DLGAP1: variants seen among roughly 807,000 people sequenced by gnomAD.
The protein encoded by DLGAP1 is DLG associated protein 1, also known as disks large-associated protein 1.
In DLGAP1, 11 loss-of-function variants were observed where a neutral mutation model predicts 90.8. The observed-to-expected ratio is 0.12, with a 90% confidence interval of 0.08 to 0.20. The LOEUF (loss-of-function observed/expected upper bound fraction) is 0.20. DLGAP1 is among the 10% of genes least tolerant of loss of function. The probability of loss-of-function intolerance (pLI) is 1.00; values close to 1 mark genes in which losing one functional copy is unlikely to be tolerated. For missense variants in DLGAP1, 1,050 were observed against 1,333.8 expected (o/e 0.79, Z 3.31); for synonymous variants, 558 against 540.7 (o/e 1.03, Z -0.44).
At chr18:3,903,845 T>C (rs1377586360) in intron 3 of DLGAP1, among the ~76,000 whole-genome samples, 1 of 152,144 alleles carries the variant, frequency 6.6e-6, no homozygotes, top group South Asian at 2.1e-4. Context: ...ATTGGAAAAA[T>C]AGCAATATTG....
intron 2 of DLGAP1, among the ~76,000 whole-genome samples, chr18:4,063,480 G>C (rs976017126): frequency 1.1e-4 from 16 of 152,020 alleles, no homozygotes; most frequent in African/African-American, 3.9e-4. Flanking sequence ...GACATATTTT[G>C]AAACAGCTAT....
At chr18:3,628,024 G>A (rs28445330) in intron 7 of DLGAP1, among the ~76,000 whole-genome samples, 2,371 of 150,918 alleles carry the variant, frequency 0.016, 64 homozygotes, top group African/African-American at 0.055. Flanking sequence ...GATTACAGGC[G>A]CGCACCACAC....
At chr18:3,736,733 A>G (rs972662141) in intron 6 of DLGAP1, among the ~76,000 whole-genome samples, 3 of 152,190 alleles carry the variant, frequency 2.0e-5, no homozygotes, top group East Asian at 1.9e-4. Context: ...CTGTGTTACC[A>G]TTCAAAAGCT....
chr18:3,609,883 C>T (rs1475038343), intron 7 of DLGAP1, among the ~76,000 whole-genome samples: 4 of 150,856 alleles, frequency 2.7e-5, no homozygotes, highest in African/African-American at 7.3e-5. Context: ...CACGGTGAAA[C>T]CCTGTCTCTA....
At chr18:4,118,467 T>G (rs936849716) in intron 2 of DLGAP1, among the ~76,000 whole-genome samples, 1 of 152,200 alleles carries the variant, frequency 6.6e-6, no homozygotes, top group South Asian at 2.1e-4. Flanking sequence ...GGCCTCACTA[T>G]TCTCTCCTAG....
At chr18:4,438,431 CAAAAAAAAA>C (rs11389361) in intron 1 of DLGAP1, among the ~76,000 whole-genome samples, 1 of 52,108 alleles carries the variant, frequency 1.9e-5, no homozygotes, top group Non-Finnish European at 3.1e-5. Flanking sequence ...GACTCCATCT[CAAAAAAAAA>C]AAAAAAAAAA....
intron 1 of DLGAP1, among the ~76,000 whole-genome samples, chr18:4,216,908 T>C (rs1283632520): frequency 2.0e-5 from 3 of 152,086 alleles, no homozygotes; most frequent in Non-Finnish European, 4.4e-5. Flanking sequence ...ATAATTTACA[T>C]GAGGATTCAC....
At chr18:4,229,164 T>C (rs957651313) in intron 1 of DLGAP1, among the ~76,000 whole-genome samples, 5 of 151,998 alleles carry the variant, frequency 3.3e-5, no homozygotes, top group South Asian at 2.1e-4. Context: ...CTATGAAACA[T>C]TGATGAAAGA....
In DLGAP1 at chr18:3,527,410, C is replaced by CTGTTTTTTTTTTTT. The variant is rs1555668846; in HGVS notation, c.2479+6783_2479+6784insAAAAAAAAAAAACA. Among the ~76,000 whole-genome samples, 22 of 100,686 alleles carry CTGTTTTTTTTTTTT rather than the reference C, an allele frequency of 2.2e-4. 4 individuals are homozygous for CTGTTTTTTTTTTTT. The highest frequency in any genetic ancestry group is 3.1e-4 in the Non-Finnish European group (16 of 51,948). 66.1% of individuals were successfully genotyped at this position (100,686 alleles called of 152,430 possible). The stretch of plus-strand genomic sequence containing the variant: ...GTGAGTAAACAGGTTATTTTCCAAA[C>CTGTTTTTTTTTTTT]TTTTTTTTTTTTTTTTTTTTTTGCC... On this transcript the variant is annotated intron_variant, in intron 10 of 12. Coordinates refer to ENST00000315677, the MANE Select transcript of DLGAP1 (RefSeq NM_004746.4).
intron 2 of DLGAP1, among the ~76,000 whole-genome samples, chr18:4,139,270 T>C (rs2076456466): frequency 6.6e-6 from 1 of 151,994 alleles, no homozygotes; most frequent in South Asian, 2.1e-4. Context: ...CTATAAACTT[T>C]CCTTTTAGCG....
chr18:3,951,261 C>T (rs1421110805), intron 3 of DLGAP1, among the ~76,000 whole-genome samples: 1 of 152,208 alleles, frequency 6.6e-6, no homozygotes, highest in Non-Finnish European at 1.5e-5. Flanking sequence ...ACTAACCTCA[C>T]ATTACACACA....
At chr18:4,301,682 T>A (rs1244174007) in intron 1 of DLGAP1, among the ~76,000 whole-genome samples, 1 of 152,200 alleles carries the variant, frequency 6.6e-6, no homozygotes, top group Non-Finnish European at 1.5e-5. Flanking sequence ...GTGGGATTGC[T>A]GGATCATATA....
intron 1 of DLGAP1, among the ~76,000 whole-genome samples, chr18:4,229,455 C>T (rs1032060214): frequency 6.6e-6 from 1 of 152,058 alleles, no homozygotes; most frequent in African/African-American, 2.4e-5. Context: ...ACCAAAACAG[C>T]ATGACACTGG....
intron 6 of DLGAP1, among the ~76,000 whole-genome samples, chr18:3,732,934 A>G (rs34039435): frequency 0.22 from 33,453 of 152,024 alleles, 4,360 homozygotes; most frequent in East Asian, 0.52. Context: ...GAACTAGGAT[A>G]TAAATACTAT....
At chr18:4,338,223 T>C (rs2081115405) in intron 1 of DLGAP1, among the ~76,000 whole-genome samples, 1 of 152,202 alleles carries the variant, frequency 6.6e-6, no homozygotes. Flanking sequence ...GAAATTACAT[T>C]TTTACTGTTA....
At chr18:4,391,981 G>A (rs1307090405) in intron 1 of DLGAP1, among the ~76,000 whole-genome samples, 4 of 152,218 alleles carry the variant, frequency 2.6e-5, no homozygotes, top group Non-Finnish European at 2.9e-5. Flanking sequence ...ATCAGTTACT[G>A]ATTTGTTGTT....
At chr18:3,899,298 A>G (rs1203694543) in intron 3 of DLGAP1, among the ~76,000 whole-genome samples, 2 of 151,782 alleles carry the variant, frequency 1.3e-5, no homozygotes, top group African/African-American at 4.8e-5. Flanking sequence ...TCAGGAAAAA[A>G]CTCCACTGAA....
chr18:4,382,801 T>C (rs576601124), intron 1 of DLGAP1, among the ~76,000 whole-genome samples: 1 of 152,298 alleles, frequency 6.6e-6, no homozygotes, highest in African/African-American at 2.4e-5. Flanking sequence ...TTCAGTATAC[T>C]ACTTTAGGCA....
At chr18:3,595,951 C>G (rs2056550623) in intron 7 of DLGAP1, among the ~76,000 whole-genome samples, 1 of 152,134 alleles carries the variant, frequency 6.6e-6, no homozygotes, top group Non-Finnish European at 1.5e-5. Flanking sequence ...GTGTCCCAAC[C>G]AGGTCTGCAG....
Sources: gnomAD v4.1 joint callset for allele counts (sites outside exome capture counted in the v4.1 genomes callset) on GRCh38, gnomAD v4.1.1 for gene constraint, MANE v1.5 for transcripts, NCBI Gene and HGNC (gene_info 2026-07-23, HGNC 2026-07-21) for gene names.